GNAQ: variants seen among roughly 807,000 people sequenced by gnomAD.
GNAQ encodes the protein G protein subunit alpha q, also known as guanine nucleotide-binding protein G(q) subunit alpha.
In GNAQ, 8 loss-of-function variants were observed where a neutral mutation model predicts 43.9. The ratio of observed to expected loss-of-function variants is 0.18; its 90% CI spans 0.11 to 0.33. The LOEUF is 0.33. Among genes scored for constraint, GNAQ ranks in the 10% least tolerant of loss-of-function variants. The pLI, the probability that GNAQ is intolerant of heterozygous loss-of-function variation, is 1.00. For synonymous variants in GNAQ, 155 were observed against 170.7 expected (o/e 0.91, Z 0.71); for missense variants, 158 against 450.8 (o/e 0.35, Z 5.88).
intron 5 of GNAQ, among the ~76,000 whole-genome samples, chr9:77,778,824 G>C (rs1826344619): frequency 6.6e-6 from 1 of 151,926 alleles, no homozygotes; most frequent in Non-Finnish European, 1.5e-5. Context: ...TCAAAGTAAG[G>C]AAAGTTATTA....
intron 1 of GNAQ, among the ~76,000 whole-genome samples, chr9:78,006,380 C>T (rs765084183): frequency 1.3e-5 from 2 of 152,182 alleles, no homozygotes; most frequent in Non-Finnish European, 2.9e-5. Context: ...TCAACTGAGA[C>T]ATAGGATCAA....
At chr9:77,890,823 C>G (rs571194029) in intron 2 of GNAQ, among the ~76,000 whole-genome samples, 2 of 152,164 alleles carry the variant, frequency 1.3e-5, no homozygotes, top group Non-Finnish European at 2.9e-5. Context: ...CCCAGAGACT[C>G]GTCAGATGGT....
At chr9:77,770,490 TCAA>T (rs751964083) in intron 5 of GNAQ, among the ~76,000 whole-genome samples, 34 of 152,204 alleles carry the variant, frequency 2.2e-4, no homozygotes, top group Non-Finnish European at 3.7e-4. Context: ...ATTATTAGTG[TCAA>T]CAACAGGCCT....
intron 1 of GNAQ, among the ~76,000 whole-genome samples, chr9:78,014,238 ATACACCC>A (rs1823809279): frequency 1.3e-5 from 2 of 152,210 alleles, no homozygotes; most frequent in Non-Finnish European, 1.5e-5. Context: ...TCAGACGCCA[ATACACCC>A]TAACATTATT....
intron 2 of GNAQ, among the ~76,000 whole-genome samples, chr9:77,833,424 T>G (rs1163898895): frequency 6.6e-6 from 1 of 152,200 alleles, no homozygotes; most frequent in Non-Finnish European, 1.5e-5. Flanking sequence ...AAGTACAAAG[T>G]AAGCAACTGG....
At chr9:77,941,066 A>G (rs1356833632) in intron 1 of GNAQ, among the ~76,000 whole-genome samples, 2 of 152,222 alleles carry the variant, frequency 1.3e-5, no homozygotes, top group Admixed American at 6.5e-5. Flanking sequence ...CTTCACAAGT[A>G]TTAAAAGAAT....
chr9:77,935,197 C>T (rs1829212872), intron 1 of GNAQ, among the ~76,000 whole-genome samples: 1 of 152,104 alleles, frequency 6.6e-6, no homozygotes, highest in South Asian at 2.1e-4. Flanking sequence ...ATGATTAGAA[C>T]ACACATGTAC....
chr9:77,930,808 T>C (rs987617669), intron 1 of GNAQ, among the ~76,000 whole-genome samples: 7 of 152,036 alleles, frequency 4.6e-5, no homozygotes, highest in African/African-American at 1.7e-4. Flanking sequence ...ATATTAAGTG[T>C]CCTAAAGCAG....
chr9:77,926,870 C>T (rs1218260899), intron 1 of GNAQ, among the ~76,000 whole-genome samples: 1 of 152,104 alleles, frequency 6.6e-6, no homozygotes, highest in Non-Finnish European at 1.5e-5. Flanking sequence ...TATGAGAAGG[C>T]CACTTCATCC....
chr9:77,952,424 T>A (rs75571009), intron 1 of GNAQ, among the ~76,000 whole-genome samples: 6,270 of 152,278 alleles, frequency 0.041, 186 homozygotes, highest in Non-Finnish European at 0.055. Context: ...TTCCAACTTT[T>A]AGTCATTCTA....
At chr9:77,967,382 T>C (rs953901394) in intron 1 of GNAQ, among the ~76,000 whole-genome samples, 7 of 152,136 alleles carry the variant, frequency 4.6e-5, no homozygotes, top group African/African-American at 1.7e-4. Flanking sequence ...TTCATCAATA[T>C]TTAGGTTCTG....
At chr9:77,736,292 CA>C (rs1423107039) in intron 5 of GNAQ, among the ~76,000 whole-genome samples, 1 of 152,104 alleles carries the variant, frequency 6.6e-6, no homozygotes, top group East Asian at 1.9e-4. Flanking sequence ...ACCAAGAAAA[CA>C]ACAGATACAA....
In GNAQ at chr9:77,718,184, A is replaced by G. The variant is rs1825253416; in HGVS notation, c.*3139T>C. The G allele has an allele frequency of 8.6e-6, 2 of 232,868 alleles. No homozygotes were observed. The highest frequency in any genetic ancestry group is 1.7e-5 in the Non-Finnish European group (2 of 117,772). 14.4% of individuals were successfully genotyped at this position (232,868 alleles called of 1,614,324 possible). ...GAATAAGACATGCCCAAGTCACCAT[A>G]AAACTCACCACAGGCCTCCATTACC... On this transcript the variant is annotated 3_prime_UTR_variant, in exon 7 of 7. Coordinates refer to ENST00000286548, the MANE Select transcript of GNAQ (RefSeq NM_002072.5).
intron 2 of GNAQ, among the ~76,000 whole-genome samples, chr9:77,821,378 T>A (rs76283722): frequency 0.012 from 1,763 of 152,112 alleles, 29 homozygotes; most frequent in African/African-American, 0.037. Context: ...TAAAATATAT[T>A]TTTTTTTCTT....
At chr9:77,768,181 A>G (rs1198298744) in intron 5 of GNAQ, among the ~76,000 whole-genome samples, 1 of 152,172 alleles carries the variant, frequency 6.6e-6, no homozygotes, top group Admixed American at 6.5e-5. Flanking sequence ...CAGTCTGGCT[A>G]TAGAGTCTGA....
chr9:77,995,381 A>C (rs751167559), intron 1 of GNAQ, among the ~76,000 whole-genome samples: 3 of 152,202 alleles, frequency 2.0e-5, no homozygotes, highest in Non-Finnish European at 4.4e-5. Context: ...CAATTGGTAC[A>C]ACTGGGGGTA....
rs560483085 is a variant in GNAQ at position 78,007,419 on chromosome 9, C to T, written c.136+23681G>A. Among the ~76,000 whole-genome samples the T allele has an allele frequency of 1.4e-4, 21 of 150,980 alleles. No homozygotes were observed. In the South Asian group the frequency reaches 4.4e-3, roughly 32 times the overall value. ...ACTGCATTCCCTTGCTCAAGCAAGC[C>T]ACCCACTAGAAAACAAGGAAGAAAA... On this transcript the variant is annotated intron_variant, in intron 1 of 6. Transcript: ENST00000286548.
At chr9:77,900,298 TTC>T (rs1394414849) in intron 2 of GNAQ, among the ~76,000 whole-genome samples, 1 of 152,178 alleles carries the variant, frequency 6.6e-6, no homozygotes, top group Non-Finnish European at 1.5e-5. Context: ...AAAAAGATCC[TTC>T]TGTCACTCCA....
At chr9:77,795,292 C>G (rs113871868) in intron 4 of GNAQ, among the ~76,000 whole-genome samples, 44 of 152,146 alleles carry the variant, frequency 2.9e-4, no homozygotes, top group Non-Finnish European at 7.4e-5. Context: ...TTTAACACAT[C>G]AATTCTGTGC....
Sources: gnomAD v4.1 joint callset for allele counts (sites outside exome capture counted in the v4.1 genomes callset) on GRCh38, gnomAD v4.1.1 for gene constraint, MANE v1.5 for transcripts, NCBI Gene and HGNC (gene_info 2026-07-23, HGNC 2026-07-21) for gene names.